Variants in CCDC149 observed in about 807,000 individuals in gnomAD.
The protein encoded by CCDC149 is coiled-coil domain containing 149, also known as coiled-coil domain-containing protein 149.
Under a neutral mutation model 59.9 loss-of-function variants are expected in CCDC149, and 45 were observed. That is an observed-to-expected ratio of 0.75 (90% CI 0.59 to 0.96). The LOEUF is 0.96. Ranked by LOEUF, CCDC149 falls within the 40% of genes least tolerant of loss-of-function variation. The pLI, the probability that CCDC149 is intolerant of heterozygous loss-of-function variation, is 0.00. For synonymous variants in CCDC149, 245 were observed against 260.6 expected, an observed-to-expected ratio of 0.94 and a Z score of 0.58; for missense variants, 584 against 664.7, an observed-to-expected ratio of 0.88 and a Z score of 1.33.
intron 1 of CCDC149, 33 bp downstream of exon 1, chr4:24,912,784 G>A: frequency 2.3e-6 from 3 of 1,280,854 alleles, no homozygotes; most frequent in African/African-American, 1.6e-5. Context: ...GCTCGGCCCG[G>A]CCCATCCCGC....
chr4:24,823,729 C>G (rs1456411739), intron 9 of CCDC149, among the ~76,000 whole-genome samples: 1 of 152,068 alleles, frequency 6.6e-6, no homozygotes, highest in East Asian at 1.9e-4. Context: ...TGACTTGTAC[C>G]ATCTTAATTA....
intron 12 of CCDC149, among the ~76,000 whole-genome samples, chr4:24,815,967 G>C (rs1309321031): frequency 6.6e-6 from 1 of 152,164 alleles, no homozygotes; most frequent in African/African-American, 2.4e-5. Flanking sequence ...AGAAAGGCTA[G>C]ATTTTCAGAG....
intron 1 of CCDC149, among the ~76,000 whole-genome samples, chr4:24,885,251 C>T (rs1720092626): frequency 6.6e-6 from 1 of 152,104 alleles, no homozygotes; most frequent in Non-Finnish European, 1.5e-5. Context: ...CATTAAGAAT[C>T]ATCTTAGAAA....
At chr4:24,853,605 A>AGAG (rs1286532588) in intron 3 of CCDC149, among the ~76,000 whole-genome samples, 3 of 148,016 alleles carry the variant, frequency 2.0e-5, no homozygotes, top group African/African-American at 7.6e-5. Flanking sequence ...AAAAAAAAAA[A>AGAG]AGAGAGAGAG....
chr4:24,948,030 G>A (rs1201886337), intron 1 of CCDC149, among the ~76,000 whole-genome samples: 9 of 152,244 alleles, frequency 5.9e-5, no homozygotes, highest in South Asian at 2.1e-4. Flanking sequence ...GAGAGCCTTC[G>A]TTCCCTCCCT....
intron 3 of CCDC149, among the ~76,000 whole-genome samples, chr4:24,861,108 T>C (rs1020567981): frequency 7.9e-5 from 12 of 152,164 alleles, no homozygotes; most frequent in East Asian, 3.9e-4. Flanking sequence ...AATCCCACTA[T>C]TGGGTATCTA....
chr4:24,875,973 A>G (rs1257647401), intron 2 of CCDC149, among the ~76,000 whole-genome samples: 1 of 152,160 alleles, frequency 6.6e-6, no homozygotes, highest in Non-Finnish European at 1.5e-5. Flanking sequence ...TAAATAATTT[A>G]TAAATTTTGA....
chr4:24,878,625 TGTGA>T lies in CCDC149; in HGVS notation c.64-1932_64-1929del, dbSNP rs570265060. ...AATCAGCACCCTTGGTTGTCAGCAC[TGTGA>T]GTATCGGTGACCCAAAGACAGTCAC... On this transcript the variant is annotated intron_variant, in intron 1 of 12. Coordinates refer to ENST00000635206, the MANE Select transcript of CCDC149 (RefSeq NM_001330643.2). Among the ~76,000 whole-genome samples, 26 of 152,354 alleles carry T rather than the reference TGTGA, an allele frequency of 1.7e-4. No individual in the cohort carries two copies. In the South Asian group the frequency reaches 4.1e-3, roughly 24 times the overall value.
At chr4:24,880,778 T>C (rs750715191) in intron 1 of CCDC149, among the ~76,000 whole-genome samples, 1 of 152,108 alleles carries the variant, frequency 6.6e-6, no homozygotes. Context: ...TAACTATAGA[T>C]AGCAGATCCA....
At chr4:24,966,984 A>G (rs1187225027) in intron 1 of CCDC149, among the ~76,000 whole-genome samples, 3 of 152,226 alleles carry the variant, frequency 2.0e-5, no homozygotes, top group Non-Finnish European at 4.4e-5. Flanking sequence ...GGGAACCCAG[A>G]TAAGTTTCTG....
chr4:24,959,490 A>C (rs1050560627), intron 1 of CCDC149, among the ~76,000 whole-genome samples: 1 of 142,452 alleles, frequency 7.0e-6, no homozygotes, highest in African/African-American at 2.8e-5. Flanking sequence ...AGGAAGCAGC[A>C]CAGAAAAAAA....
At chr4:24,818,219 G>A (rs1560199921) in intron 12 of CCDC149, among the ~76,000 whole-genome samples, 1 of 152,128 alleles carries the variant, frequency 6.6e-6, no homozygotes, top group Non-Finnish European at 1.5e-5. Context: ...ATGGCTCCAA[G>A]GTTTTGAGCC....
At chr4:24,873,829 C>T (rs1443823330) in intron 2 of CCDC149, 110 bp from the exon 3 acceptor site, 1 of 740,918 alleles carries the variant, frequency 1.3e-6, no homozygotes, top group East Asian at 2.6e-5. Flanking sequence ...CCACCCTCCC[C>T]ACCCTGCAGC....
At chr4:24,839,027 C>G (rs1716744314) in intron 4 of CCDC149, among the ~76,000 whole-genome samples, 1 of 126,460 alleles carries the variant, frequency 7.9e-6, no homozygotes, top group Non-Finnish European at 1.7e-5. Context: ...CTCTCTCTCT[C>G]TCACACACAC....
intron 12 of CCDC149, 23 bp downstream of exon 12, chr4:24,819,836 T>G: frequency 6.6e-7 from 1 of 1,507,788 alleles, no homozygotes; most frequent in South Asian, 1.2e-5. Flanking sequence ...CAGGTAAAGA[T>G]GGAGAAATCG....
chr4:24,974,274 G>A (rs1724080254), intron 1 of CCDC149, among the ~76,000 whole-genome samples: 1 of 152,170 alleles, frequency 6.6e-6, no homozygotes, highest in East Asian at 1.9e-4. Context: ...TCCGCATCCC[G>A]CACTCCCACG....
intron 1 of CCDC149, among the ~76,000 whole-genome samples, chr4:24,908,559 G>A (rs1721678037): frequency 6.6e-6 from 1 of 150,790 alleles, no homozygotes; most frequent in African/African-American, 2.4e-5. Context: ...AATTGGCTGG[G>A]CATGGTGGCA....
intron 1 of CCDC149, among the ~76,000 whole-genome samples, chr4:24,945,485 G>T (rs1723081459): frequency 6.6e-6 from 1 of 152,178 alleles, no homozygotes; most frequent in Non-Finnish European, 1.5e-5. Context: ...GGCAAGAAAG[G>T]AGTCCCCGTC....
At chr4:24,804,148 G>T (rs1714007876), downstream of CCDC149, among the ~76,000 whole-genome samples, 1 of 152,076 alleles carries the variant, frequency 6.6e-6, no homozygotes, top group Non-Finnish European at 1.5e-5. Context: ...TGTTTTAAAT[G>T]GAGGCTTCAG....
Sources: allele counts gnomAD v4.1 joint callset (sites outside exome capture counted in the v4.1 genomes callset), GRCh38; gene constraint gnomAD v4.1.1; transcripts MANE v1.5; gene names NCBI Gene and HGNC (gene_info 2026-07-23, HGNC 2026-07-21).